TTC27: variants seen among roughly 807,000 people sequenced by gnomAD.
The protein encoded by TTC27 is tetratricopeptide repeat protein 27.
In TTC27, 79 loss-of-function variants were observed where a neutral mutation model predicts 115.9. The observed-to-expected ratio is 0.68, with a 90% CI of 0.57 to 0.82. The LOEUF (loss-of-function observed/expected upper bound fraction) is 0.82, where lower values mean the gene tolerates loss of function less well. Ranked by LOEUF, TTC27 falls within the 40% of genes least tolerant of loss-of-function variation. The pLI is 0.00. For missense variants in TTC27, 1,054 were observed against 993.1 expected (o/e 1.06, Z -0.82); for synonymous variants, 401 against 356.0 (o/e 1.13, Z -1.42).
Position 32,628,345 on chromosome 2 carries a change from G to A in TTC27, c.53G>A (p.Arg18Gln), listed in dbSNP as rs771093044. ...AGGGGATTCCCCACTGAGGCTGAGC[G>A]GCAGCAATGGAAACAGGAGGGGGTC... ...ILRGFPTEAERQQWKQEGVVG... is the reference protein window; with the variant it reads ...ILRGFPTEAEQQQWKQEGVVG... The change falls in exon 1 of 20, where the codon CGG becomes CAG. Residue 18 changes from arginine (R) to glutamine (Q), a missense_variant. Coordinates refer to ENST00000317907, the MANE Select transcript of TTC27 (RefSeq NM_017735.5). The A allele has an allele frequency of 6.2e-7, 1 of 1,607,596 alleles. No homozygotes were observed. The highest frequency in any genetic ancestry group is 8.5e-7 in the Non-Finnish European group (1 of 1,178,096).
At chr2:32,684,142 A>T (rs1333798513) in intron 9 of TTC27, among the ~76,000 whole-genome samples, 1 of 152,104 alleles carries the variant, frequency 6.6e-6, no homozygotes, top group Admixed American at 6.5e-5. Flanking sequence ...TGCACGACAG[A>T]GTGAGACTCT....
intron 10 of TTC27, chr2:32,704,807 A>G (rs188586702): frequency 1.1e-5 from 5 of 465,152 alleles, no homozygotes. Flanking sequence ...GATTCAGGTC[A>G]TAGAATTTTG....
chr2:32,667,784 T>C (rs1427054797), intron 7 of TTC27, among the ~76,000 whole-genome samples: 1 of 149,552 alleles, frequency 6.7e-6, no homozygotes, highest in Non-Finnish European at 1.5e-5. Flanking sequence ...CCTGGCATGG[T>C]GGCTCATGCC....
At chr2:32,700,741 C>T (rs1353459551) in intron 9 of TTC27, among the ~76,000 whole-genome samples, 8 of 152,008 alleles carry the variant, frequency 5.3e-5, no homozygotes, top group African/African-American at 9.7e-5. Context: ...GGTTTCATCA[C>T]GTTGGCCAGG....
At chr2:32,736,552 T>C (rs1287097635) in intron 11 of TTC27, 142 bp from the exon 12 acceptor site, 1 of 891,082 alleles carries the variant, frequency 1.1e-6, no homozygotes, top group Non-Finnish European at 1.7e-6. Flanking sequence ...ATTACAAACT[T>C]CTAAATAGTA....
chr2:32,772,590 T>C (rs927783684), intron 13 of TTC27, among the ~76,000 whole-genome samples: 1 of 152,238 alleles, frequency 6.6e-6, no homozygotes, highest in Non-Finnish European at 1.5e-5. Flanking sequence ...GGCTTTGTGC[T>C]ACATGATTTT....
intron 10 of TTC27, among the ~76,000 whole-genome samples, chr2:32,709,140 T>C (rs1196280346): frequency 2.6e-5 from 4 of 152,202 alleles, no homozygotes; most frequent in Non-Finnish European, 4.4e-5. Flanking sequence ...TTTGGATAAA[T>C]GGAGGAGAGG....
At chr2:32,664,894 G>T (rs1025685495) in intron 6 of TTC27, among the ~76,000 whole-genome samples, 2 of 151,112 alleles carry the variant, frequency 1.3e-5, no homozygotes, top group South Asian at 2.1e-4. Context: ...GTGCAGTGGC[G>T]TGATCTTGGC....
chr2:32,693,808 C>G (rs994848496), intron 9 of TTC27, among the ~76,000 whole-genome samples: 56 of 152,086 alleles, frequency 3.7e-4, no homozygotes, highest in African/African-American at 1.3e-3. Context: ...AAAGCGCTAA[C>G]AAAACAAAAA....
At chr2:32,698,613 G>A (rs1439891246) in intron 9 of TTC27, among the ~76,000 whole-genome samples, 1 of 151,402 alleles carries the variant, frequency 6.6e-6, no homozygotes, top group Non-Finnish European at 1.5e-5. Flanking sequence ...CTGAGTAGCT[G>A]GGACTACAGG....
chr2:32,813,296 A>G (rs1240385441), intron 18 of TTC27, among the ~76,000 whole-genome samples: 7 of 152,220 alleles, frequency 4.6e-5, no homozygotes, highest in Non-Finnish European at 1.5e-5. Context: ...CACCAATCCT[A>G]AAGTTCTCCT....
intron 12 of TTC27, among the ~76,000 whole-genome samples, chr2:32,751,194 T>C (rs1441070499): frequency 6.6e-6 from 1 of 151,736 alleles, no homozygotes; most frequent in Non-Finnish European, 1.5e-5. Flanking sequence ...GTTAAGTTTA[T>C]CATAATCCAT....
chr2:32,750,378 A>C (rs957535768), intron 12 of TTC27, among the ~76,000 whole-genome samples: 1 of 152,210 alleles, frequency 6.6e-6, no homozygotes. Context: ...TTACCATATT[A>C]GACCATGACA....
At chr2:32,807,619 C>T (rs1363083419) in intron 16 of TTC27, among the ~76,000 whole-genome samples, 2 of 152,128 alleles carry the variant, frequency 1.3e-5, no homozygotes, top group Non-Finnish European at 2.9e-5. Flanking sequence ...TTATAGGATA[C>T]TATGATTATG....
intron 16 of TTC27, among the ~76,000 whole-genome samples, chr2:32,800,918 ACATTTTTTAC>A (rs1444661913): frequency 6.6e-6 from 1 of 152,208 alleles, no homozygotes; most frequent in Non-Finnish European, 1.5e-5. Context: ...GATGAAAAAA[ACATTTTTTAC>A]CATGACAAAA....
intron 4 of TTC27, 71 bp downstream of exon 4, chr2:32,640,481 T>C (rs2151863171): frequency 6.9e-7 from 1 of 1,442,084 alleles, no homozygotes; most frequent in East Asian, 2.3e-5. Context: ...GCTGTAGATG[T>C]GTTGCTGACA....
chr2:32,771,920 A>G (rs1669843403), intron 13 of TTC27, among the ~76,000 whole-genome samples: 1 of 152,162 alleles, frequency 6.6e-6, no homozygotes, highest in African/African-American at 2.4e-5. Flanking sequence ...AGATTATTCT[A>G]CATTAACCTT....
intron 13 of TTC27, among the ~76,000 whole-genome samples, chr2:32,775,950 G>T (rs1669983871): frequency 6.6e-6 from 1 of 152,146 alleles, no homozygotes; most frequent in South Asian, 2.1e-4. Flanking sequence ...GTGTGGTTTG[G>T]TGCATTGAAG....
chr2:32,686,653 G>A (rs766824011), intron 9 of TTC27, among the ~76,000 whole-genome samples: 1 of 151,310 alleles, frequency 6.6e-6, no homozygotes, highest in Non-Finnish European at 1.5e-5. Context: ...GAGCCACCAC[G>A]CCCGGCTGCT....
Sources: allele counts gnomAD v4.1 joint callset (sites outside exome capture counted in the v4.1 genomes callset), GRCh38; gene constraint gnomAD v4.1.1; transcripts MANE v1.5; gene names NCBI Gene and HGNC (gene_info 2026-07-23, HGNC 2026-07-21).